YAF2: variants seen among roughly 807,000 people sequenced by gnomAD.
YAF2 encodes the protein YY1-associated factor 2.
A neutral mutation model predicts 20.1 loss-of-function variants in YAF2; 7 were observed. The ratio of observed to expected loss-of-function variants is 0.35; its 90% CI spans 0.20 to 0.65. The LOEUF is 0.65. Among genes scored for constraint, YAF2 ranks in the 30% least tolerant of loss-of-function variants. The probability of loss-of-function intolerance (pLI) is 0.69; values close to 1 mark genes in which losing one functional copy is unlikely to be tolerated. For missense variants in YAF2, 151 were observed against 219.2 expected, an observed-to-expected ratio of 0.69 and a Z score of 1.96; for synonymous variants, 74 against 76.0, an observed-to-expected ratio of 0.97 and a Z score of 0.14.
chr12:42,161,788 GGTATTTTAAA>G, intron 2 of YAF2, 23 bp from the exon 3 acceptor site: 2 of 1,575,326 alleles, frequency 1.3e-6, no homozygotes. Flanking sequence ...TAAAAAGAAA[GGTATTTTAAA>G]TTACAACTTA....
At chr12:42,222,653 T>C (rs1003213423) in intron 2 of YAF2, among the ~76,000 whole-genome samples, 1 of 152,202 alleles carries the variant, frequency 6.6e-6, no homozygotes, top group Non-Finnish European at 1.5e-5. Context: ...ACTTTGTAAA[T>C]AAAATAATTT....
chr12:42,171,994 T>C (rs1246613085), intron 2 of YAF2: 1 of 152,092 alleles, frequency 6.6e-6, no homozygotes, highest in Non-Finnish European at 1.5e-5. Context: ...AACAAGTATT[T>C]AGGCTCCTCA....
Position 42,160,682 on chromosome 12 carries a change from T to C in YAF2, c.450A>G (p.Gln150=). 1 of 1,613,864 alleles carries C rather than the reference T, an allele frequency of 6.2e-7. No homozygotes were observed. The highest frequency in any genetic ancestry group is 8.5e-7 in the Non-Finnish European group (1 of 1,179,906). ...CTGTGTTATCAGAGCTAGAGCCGCT[T>C]TGACTGTGTTGATCTGCAGAAGCAG... is the stretch of plus-strand genomic sequence containing the variant. ...SSAASADQHS[Q]SGSSSDNTER... The change falls in exon 4 of 4, where the codon CAA becomes CAG. Residue 150 remains glutamine, a synonymous_variant. Transcript: ENST00000534854.
intron 2 of YAF2, among the ~76,000 whole-genome samples, chr12:42,219,921 A>G (rs985176862): frequency 6.6e-6 from 1 of 152,152 alleles, no homozygotes; most frequent in Non-Finnish European, 1.5e-5. Flanking sequence ...ATAACAACAC[A>G]TCTCCACATG....
intron 2 of YAF2, among the ~76,000 whole-genome samples, chr12:42,226,405 G>A (rs2067697428): frequency 6.6e-6 from 1 of 152,170 alleles, no homozygotes; most frequent in South Asian, 2.1e-4. Flanking sequence ...GTTCATGCCT[G>A]TAATCCCAAC....
chr12:42,201,783 G>A (rs1469505585), intron 2 of YAF2, among the ~76,000 whole-genome samples: 1 of 152,122 alleles, frequency 6.6e-6, no homozygotes, highest in Non-Finnish European at 1.5e-5. Flanking sequence ...TGTTGATCAG[G>A]CTGGTCTTGC....
intron 2 of YAF2, among the ~76,000 whole-genome samples, chr12:42,164,923 T>C (rs2065876715): frequency 6.6e-6 from 1 of 151,206 alleles, no homozygotes; most frequent in South Asian, 2.1e-4. Context: ...AATACAGAAA[T>C]TGGCCAGTAA....
intron 2 of YAF2, among the ~76,000 whole-genome samples, chr12:42,180,698 C>T (rs987809200): frequency 6.6e-6 from 1 of 152,154 alleles, no homozygotes; most frequent in Non-Finnish European, 1.5e-5. Context: ...CCTGTAATCT[C>T]AGCACTTTGG....
At chr12:42,227,535 C>T (rs994600785) in intron 2 of YAF2, among the ~76,000 whole-genome samples, 31 of 148,134 alleles carry the variant, frequency 2.1e-4, no homozygotes, top group Non-Finnish European at 3.0e-4. Context: ...GCCGAGACCC[C>T]GTCTGGGAGG....
chr12:42,230,262 A>AAAGAAAGAGAAGAAAGAGAAGAAAGAG (rs539718739), intron 2 of YAF2, among the ~76,000 whole-genome samples: 1 of 150,066 alleles, frequency 6.7e-6, no homozygotes, highest in African/African-American at 2.5e-5. Flanking sequence ...TCAAGAAAGA[A>AAAGAAAGAGAAGAAAGAGAAGAAAGAG]AAGAAAGAGA....
intron 2 of YAF2, among the ~76,000 whole-genome samples, chr12:42,228,393 T>C (rs1592058050): frequency 1.2e-4 from 5 of 40,508 alleles, no homozygotes; most frequent in African/African-American, 1.7e-4. Flanking sequence ...GGAGCCTCTC[T>C]GCCCGGCCAG....
intron 2 of YAF2, among the ~76,000 whole-genome samples, chr12:42,170,879 T>C (rs2066029747): frequency 6.6e-6 from 1 of 152,210 alleles, no homozygotes. Context: ...ATAATGTTTG[T>C]ATTCAACAAA....
intron 2 of YAF2, among the ~76,000 whole-genome samples, chr12:42,211,776 C>A (rs2067218837): frequency 6.7e-6 from 1 of 149,794 alleles, no homozygotes; most frequent in East Asian, 2.0e-4. Context: ...CAGCCAGGCA[C>A]GGTGGCTTGC....
At chr12:42,178,648 T>G (rs1455428274) in intron 2 of YAF2, among the ~76,000 whole-genome samples, 1 of 152,152 alleles carries the variant, frequency 6.6e-6, no homozygotes, top group Non-Finnish European at 1.5e-5. Context: ...AAATCTTCTG[T>G]CCAATGTGTC....
intron 2 of YAF2, chr12:42,234,526 G>T (rs1460013251): frequency 1.0e-6 from 1 of 984,912 alleles, no homozygotes; most frequent in Non-Finnish European, 1.2e-6. Flanking sequence ...AAAACTTGAG[G>T]AACTGAAGCT....
At chr12:42,169,309 C>A (rs1435859601) in intron 2 of YAF2, among the ~76,000 whole-genome samples, 2 of 152,134 alleles carry the variant, frequency 1.3e-5, no homozygotes, top group South Asian at 2.1e-4. Flanking sequence ...TAAGTAGGTC[C>A]TTCTCAGTCA....
At chr12:42,204,345 A>T (rs2066981067) in intron 2 of YAF2, among the ~76,000 whole-genome samples, 1 of 152,220 alleles carries the variant, frequency 6.6e-6, no homozygotes. Flanking sequence ...CTGCATCCAT[A>T]GATTCAACCA....
intron 2 of YAF2, among the ~76,000 whole-genome samples, chr12:42,228,472 G>C (rs1359260793): frequency 5.6e-5 from 2 of 35,450 alleles, no homozygotes; most frequent in Non-Finnish European, 9.1e-5. Context: ...CCGGGAGGGA[G>C]GTGGGGGGGG....
intron 2 of YAF2, among the ~76,000 whole-genome samples, chr12:42,187,871 T>C (rs712119): frequency 0.7 from 106,006 of 152,000 alleles, 38,028 homozygotes; most frequent in African/African-American, 0.86. Context: ...ATAAAAGACA[T>C]TGTGACTTTC....
Sources: allele counts gnomAD v4.1 joint callset (sites outside exome capture counted in the v4.1 genomes callset), GRCh38; gene constraint gnomAD v4.1.1; transcripts MANE v1.5; gene names NCBI Gene and HGNC (gene_info 2026-07-23, HGNC 2026-07-21).